Variants in PRELID2 observed in about 807,000 individuals in gnomAD.
PRELID2 encodes PRELI domain-containing protein 2.
PRELID2 carries 25 observed loss-of-function variants against 28.4 expected under a neutral mutation model. That is an observed-to-expected ratio of 0.88 (90% CI 0.64 to 1.23). PRELID2 has a LOEUF of 1.23. Ranked by LOEUF, PRELID2 falls within the 50% of genes most tolerant of loss-of-function variation. PRELID2 has a pLI of 0.00. For missense variants in PRELID2, 201 were observed against 214.4 expected, an observed-to-expected ratio of 0.94 and a Z score of 0.39; for synonymous variants, 76 against 71.6, an observed-to-expected ratio of 1.06 and a Z score of -0.31.
At chr5:145,341,403 T>C in the PRELID2 span, among the ~76,000 whole-genome samples, 4,776 of 151,974 alleles carry the variant, frequency 0.031, 252 homozygotes, top group African/African-American at 0.11. Flanking sequence ...ACTAAAGAGA[T>C]AGATTTTTTT....
At chr5:145,351,041 CAG>C in the PRELID2 span, among the ~76,000 whole-genome samples, 2 of 152,142 alleles carry the variant, frequency 1.3e-5, no homozygotes, top group Non-Finnish European at 2.9e-5. Flanking sequence ...TCTCACAACA[CAG>C]AGAGTAGGTG....
chr5:145,311,740 C>A, the PRELID2 span, among the ~76,000 whole-genome samples: 5 of 152,098 alleles, frequency 3.3e-5, no homozygotes, highest in Non-Finnish European at 7.4e-5. Context: ...CCATTACTAG[C>A]AGGTGCTACA....
intron 1 of PRELID2, among the ~76,000 whole-genome samples, chr5:145,608,646 C>T (rs1177270357): frequency 6.6e-6 from 1 of 152,116 alleles, no homozygotes; most frequent in African/African-American, 2.4e-5. Flanking sequence ...AGATGATCTG[C>T]CCCTTCTCCC....
intron 1 of PRELID2, among the ~76,000 whole-genome samples, chr5:145,722,798 C>A (rs2436417): frequency 3.4e-4 from 52 of 152,226 alleles, no homozygotes; most frequent in Non-Finnish European, 7.2e-4. Context: ...CCACACCCGG[C>A]CCCAAATTAA....
At chr5:145,230,683 C>T in the PRELID2 span, among the ~76,000 whole-genome samples, 33 of 152,282 alleles carry the variant, frequency 2.2e-4, no homozygotes, top group African/African-American at 7.2e-4. Flanking sequence ...TGGGTTAATA[C>T]AATAAACATT....
rs529769664 is a variant in PRELID2 at position 145,590,009 on chromosome 5, T to C, written n.71-116694A>G. On this transcript the variant is annotated intron_variant and non_coding_transcript_variant, in intron 1 of 2. Coordinates refer to the PRELID2 transcript ENST00000510259. ...ATGATATTCTTATATGTACTACATA[T>C]GAATTATGTACTAGGATTACGAAGG... 2.0e-5 allele frequency among the ~76,000 whole-genome samples: 3 copies of C among 152,356 alleles called. No homozygotes were observed. The South Asian group carries it at 6.2e-4, about 32-fold the overall frequency.
intron 4 of PRELID2, among the ~76,000 whole-genome samples, chr5:145,817,640 A>T (rs921693582): frequency 6.6e-6 from 1 of 152,006 alleles, no homozygotes; most frequent in Non-Finnish European, 1.5e-5. Flanking sequence ...CAAACTGATA[A>T]CACTCACTAC....
chr5:145,522,307 G>GGTAT (rs1355301413), intron 1 of PRELID2, among the ~76,000 whole-genome samples: 2 of 151,722 alleles, frequency 1.3e-5, no homozygotes, highest in East Asian at 3.9e-4. Context: ...TATTATTTTA[G>GGTAT]GTATTTTATT....
chr5:145,316,195 G>T, the PRELID2 span, among the ~76,000 whole-genome samples: 862 of 152,226 alleles, frequency 5.7e-3, 9 homozygotes, highest in African/African-American at 0.02. Context: ...GGTCTTTATT[G>T]TTTAAACTTA....
chr5:145,725,232 CATA>C (rs893233312), intron 1 of PRELID2, among the ~76,000 whole-genome samples: 2 of 152,074 alleles, frequency 1.3e-5, no homozygotes, highest in African/African-American at 2.4e-5. Context: ...AGTTATCAAA[CATA>C]ATAAGGTGCT....
chr5:145,576,637 T>C (rs1441007336), intron 1 of PRELID2, among the ~76,000 whole-genome samples: 2 of 137,152 alleles, frequency 1.5e-5, no homozygotes, highest in Non-Finnish European at 3.2e-5. Flanking sequence ...GCTAAGAAAA[T>C]AAGGTGAGAG....
chr5:145,748,842 T>G (rs1351347161), intron 1 of PRELID2, among the ~76,000 whole-genome samples: 1 of 152,170 alleles, frequency 6.6e-6, no homozygotes, highest in Admixed American at 6.5e-5. Flanking sequence ...CCATCTGCCC[T>G]TTGACAAACC....
At chr5:145,783,817 T>C (rs1451698795) in intron 5 of PRELID2, among the ~76,000 whole-genome samples, 3 of 152,254 alleles carry the variant, frequency 2.0e-5, no homozygotes, top group African/African-American at 4.8e-5. Context: ...CTTATTCTTT[T>C]GAACGACGGT....
At chr5:145,428,860 C>T in the PRELID2 span, among the ~76,000 whole-genome samples, 25 of 152,062 alleles carry the variant, frequency 1.6e-4, no homozygotes, top group African/African-American at 5.8e-4. Context: ...GAGGAGAGAA[C>T]AAAAGTGAAG....
At chr5:145,512,231 C>G (rs1224006287) in intron 1 of PRELID2, among the ~76,000 whole-genome samples, 1 of 152,152 alleles carries the variant, frequency 6.6e-6, no homozygotes, top group Non-Finnish European at 1.5e-5. Flanking sequence ...CAGGTGATTT[C>G]TACACTTCTA....
chr5:145,806,206 C>G (rs1753496066), intron 4 of PRELID2, among the ~76,000 whole-genome samples: 1 of 152,052 alleles, frequency 6.6e-6, no homozygotes, highest in African/African-American at 2.4e-5. Flanking sequence ...AACTTTTTCA[C>G]TCTTTTGCAA....
intron 1 of PRELID2, among the ~76,000 whole-genome samples, chr5:145,494,162 G>C (rs1389588133): frequency 6.6e-6 from 1 of 152,102 alleles, no homozygotes; most frequent in African/African-American, 2.4e-5. Context: ...CTAGCAAAAT[G>C]TCCTAACATT....
intron 1 of PRELID2, among the ~76,000 whole-genome samples, chr5:145,829,484 T>C (rs1166935701): frequency 6.6e-6 from 1 of 152,202 alleles, no homozygotes; most frequent in Non-Finnish European, 1.5e-5. Flanking sequence ...TGTGCTGAAA[T>C]TAAGCTAGGT....
the PRELID2 span, among the ~76,000 whole-genome samples, chr5:145,425,080 C>T: frequency 1.4e-5 from 2 of 139,220 alleles, no homozygotes; most frequent in Non-Finnish European, 3.2e-5. Context: ...GAAAAAAAAA[C>T]ATTAAAAAGT....
Sources: allele counts gnomAD v4.1 joint callset (sites outside exome capture counted in the v4.1 genomes callset), GRCh38; gene constraint gnomAD v4.1.1; transcripts MANE v1.5; gene names NCBI Gene and HGNC (gene_info 2026-07-23, HGNC 2026-07-21).